The following GRIK4 variants were observed in gnomAD, a reference collection of about 807,000 sequenced individuals.
The protein encoded by GRIK4 is glutamate receptor ionotropic, kainate 4.
GRIK4 carries 40 observed loss-of-function variants against 104.9 expected under a neutral mutation model. That is an observed-to-expected ratio of 0.38 (90% CI 0.30 to 0.50). The LOEUF is 0.50. GRIK4 is among the 20% of genes least tolerant of loss of function. The probability of loss-of-function intolerance (pLI) is 0.93; values close to 1 mark genes in which losing one functional copy is unlikely to be tolerated. For missense variants in GRIK4, 1,047 were observed against 1,308.1 expected (o/e 0.80, Z 3.08); for synonymous variants, 485 against 524.9 (o/e 0.92, Z 1.04).
intron 4 of GRIK4, among the ~76,000 whole-genome samples, chr11:120,811,563 C>T (rs1315876076): frequency 1.3e-5 from 2 of 152,152 alleles, no homozygotes; most frequent in African/African-American, 2.4e-5. Context: ...AAGAGTGCTT[C>T]GAACGGGCCA....
intron 1 of GRIK4, among the ~76,000 whole-genome samples, chr11:120,585,853 G>C (rs1302557525): frequency 6.6e-6 from 1 of 152,086 alleles, no homozygotes; most frequent in African/African-American, 2.4e-5. Flanking sequence ...ACATGAAGGA[G>C]GGGGAGGAAC....
chr11:120,710,731 C>T (rs371701479), intron 3 of GRIK4, among the ~76,000 whole-genome samples: 4 of 152,204 alleles, frequency 2.6e-5, no homozygotes, highest in African/African-American at 7.2e-5. Flanking sequence ...CCTTGCACAT[C>T]GCCCTGCTCC....
At chr11:120,589,337 C>T (rs923622265) in intron 1 of GRIK4, among the ~76,000 whole-genome samples, 2 of 152,204 alleles carry the variant, frequency 1.3e-5, no homozygotes, top group African/African-American at 2.4e-5. Flanking sequence ...TGTAGGTATA[C>T]AGCCCTTATT....
chr11:120,519,514 G>T (rs371688535), intron 1 of GRIK4, among the ~76,000 whole-genome samples: 1 of 152,172 alleles, frequency 6.6e-6, no homozygotes, highest in Non-Finnish European at 1.5e-5. Context: ...CCTTGATCTC[G>T]GGCTTCCCCG....
intron 3 of GRIK4, among the ~76,000 whole-genome samples, chr11:120,754,131 A>G (rs144490374): frequency 1.6e-4 from 25 of 152,242 alleles, no homozygotes; most frequent in African/African-American, 5.5e-4. Context: ...CCCGAGTTCA[A>G]GTGATTCTCC....
At chr11:120,515,160 C>T (rs1947710962) in intron 1 of GRIK4, 1 of 412,312 alleles carries the variant, frequency 2.4e-6, no homozygotes, top group South Asian at 1.8e-5. Flanking sequence ...ACTGTGTGTC[C>T]TCACCCTGGC....
chr11:120,739,241 T>C (rs1202110578), intron 3 of GRIK4, among the ~76,000 whole-genome samples: 1 of 152,192 alleles, frequency 6.6e-6, no homozygotes, highest in Non-Finnish European at 1.5e-5. Flanking sequence ...GAAATAATAG[T>C]AGTGCCTGCT....
At chr11:120,786,897 C>G (rs190672778) in intron 3 of GRIK4, among the ~76,000 whole-genome samples, 30 of 152,266 alleles carry the variant, frequency 2.0e-4, no homozygotes, top group African/African-American at 7.0e-4. Context: ...GTATTGAGCC[C>G]CTGGAACGTG....
At chr11:120,852,344 G>A (rs941164230) in intron 8 of GRIK4, among the ~76,000 whole-genome samples, 1 of 152,232 alleles carries the variant, frequency 6.6e-6, no homozygotes, top group African/African-American at 2.4e-5. Flanking sequence ...GTTTGCAGGT[G>A]AACATGAATT....
chr11:120,566,951 C>G (rs941484490), intron 1 of GRIK4, among the ~76,000 whole-genome samples: 6 of 150,950 alleles, frequency 4.0e-5, no homozygotes, highest in African/African-American at 1.5e-4. Context: ...TCGTGTTCCG[C>G]CCACCTCGGC....
At chr11:120,874,298 C>A in intron 10 of GRIK4, 80 bp downstream of exon 10, 2 of 1,138,082 alleles carry the variant, frequency 1.8e-6, no homozygotes, top group Non-Finnish European at 2.5e-6. Context: ...AAGAGTCCCT[C>A]AACTCCAGGC....
intron 3 of GRIK4, among the ~76,000 whole-genome samples, chr11:120,740,453 A>T (rs1014924264): frequency 1.3e-5 from 2 of 152,038 alleles, no homozygotes; most frequent in Non-Finnish European, 2.9e-5. Flanking sequence ...GAACCTGCTG[A>T]CCCCACATTA....
chr11:120,675,222 G>T (rs996414386), intron 3 of GRIK4, among the ~76,000 whole-genome samples: 8 of 152,216 alleles, frequency 5.3e-5, no homozygotes, highest in Non-Finnish European at 1.2e-4. Flanking sequence ...ATCTCCCAAA[G>T]AGCACGGTGG....
chr11:120,898,800 GA>G (rs769667261), intron 12 of GRIK4, among the ~76,000 whole-genome samples, 161 bp downstream of exon 12: 37 of 152,312 alleles, frequency 2.4e-4, no homozygotes, highest in Admixed American at 5.2e-4. Context: ...GTTTCATATG[GA>G]AATGATATTT....
intron 1 of GRIK4, chr11:120,514,855 G>A (rs1360991541): frequency 5.0e-6 from 2 of 403,762 alleles, no homozygotes; most frequent in Non-Finnish European, 9.9e-6. Context: ...TCCGACCTTT[G>A]CTCTCCCACT....
chr11:120,796,177 A>G (rs2135501267), intron 3 of GRIK4, among the ~76,000 whole-genome samples: 1 of 151,314 alleles, frequency 6.6e-6, no homozygotes, highest in Admixed American at 6.6e-5. Context: ...CTGGGACTAC[A>G]TGTGCCCGCC....
chr11:120,682,610 C>CA (rs991498663), intron 3 of GRIK4, among the ~76,000 whole-genome samples: 4 of 149,778 alleles, frequency 2.7e-5, no homozygotes, highest in Non-Finnish European at 5.9e-5. Flanking sequence ...TTTTTTTTCC[C>CA]ATCTGGCCAA....
At chr11:120,662,853 G>C (rs12273297) in intron 3 of GRIK4, among the ~76,000 whole-genome samples, 7,309 of 152,212 alleles carry the variant, frequency 0.048, 536 homozygotes, top group African/African-American at 0.16. Flanking sequence ...AGCCCCACTT[G>C]TCTGCTGGTG....
intron 3 of GRIK4, among the ~76,000 whole-genome samples, chr11:120,718,570 G>A (rs746984635): frequency 6.6e-6 from 1 of 152,218 alleles, no homozygotes; most frequent in Admixed American, 6.5e-5. Context: ...GCCTTGCCCC[G>A]GCATGGGACC....
Sources: allele counts gnomAD v4.1 joint callset (sites outside exome capture counted in the v4.1 genomes callset), GRCh38; gene constraint gnomAD v4.1.1; transcripts MANE v1.5; gene names NCBI Gene and HGNC (gene_info 2026-07-23, HGNC 2026-07-21).